The following SH2D4B variants were observed in gnomAD, a reference collection of about 807,000 sequenced individuals.
SH2D4B encodes SH2 domain-containing protein 4B.
SH2D4B carries 45 observed loss-of-function variants against 61.5 expected under a neutral mutation model. That is an observed-to-expected ratio of 0.73 (90% CI 0.58 to 0.94). The LOEUF (loss-of-function observed/expected upper bound fraction) is 0.94, where lower values mean the gene tolerates loss of function less well. Ranked by LOEUF, SH2D4B falls within the 40% of genes least tolerant of loss-of-function variation. The probability of loss-of-function intolerance (pLI) is 0.00; values close to 1 mark genes in which losing one functional copy is unlikely to be tolerated. For missense variants in SH2D4B, 572 were observed against 574.2 expected, an observed-to-expected ratio of 1.00 and a Z score of 0.04; for synonymous variants, 224 against 220.4, an observed-to-expected ratio of 1.02 and a Z score of -0.14.
chr10:80,555,774 G>A (rs956093664), intron 1 of SH2D4B, among the ~76,000 whole-genome samples: 3 of 152,174 alleles, frequency 2.0e-5, no homozygotes, highest in African/African-American at 7.2e-5. Flanking sequence ...TGGTACTATT[G>A]GTCACCCTAC....
At position 80,539,031 on chromosome 10, in the gene SH2D4B, C is replaced by T. The variant is rs936319332; in HGVS notation, c.184+516C>T. Among the ~76,000 whole-genome samples the T allele has an allele frequency of 1.3e-5, 2 of 152,216 alleles. No individual in the cohort carries two copies. The highest frequency in any genetic ancestry group is 2.9e-5 in the Non-Finnish European group (2 of 68,042). ...AGGATGCTGTGGGTTGTCTCTGGAG[C>T]CCCACTGGGCATCCGGAGAGAGGGC... On this transcript the variant is annotated intron_variant, in intron 1 of 7. Coordinates refer to ENST00000646907, the MANE Select transcript of SH2D4B (RefSeq NM_001388272.1). This position sits in a 1 kb window ranked among gnomAD's most constrained non-coding sequence, Gnocchi z 4.9.
Position 80,538,856 on chromosome 10 carries a change from C to G in SH2D4B, c.184+341C>G, listed in dbSNP as rs562222277. 6.6e-6 allele frequency among the ~76,000 whole-genome samples: 1 copy of G among 152,302 alleles called. No homozygotes were observed. Among genetic ancestry groups the G allele is most frequent in the South Asian group, 2.1e-4 (1 of 4,826 alleles). ...ACGTGGTTGGCAATGGTAGGGTGAA[C>G]GACGGCATATTTGTGACCCTTGCCA... On this transcript the variant is annotated intron_variant, in intron 1 of 7. Coordinates refer to ENST00000646907, the MANE Select transcript of SH2D4B (RefSeq NM_001388272.1). This position sits in a 1 kb window ranked among gnomAD's most constrained non-coding sequence, Gnocchi z 4.8.
intron 6 of SH2D4B, among the ~76,000 whole-genome samples, chr10:80,620,373 G>A (rs570692093): frequency 6.6e-6 from 1 of 152,230 alleles, no homozygotes; most frequent in Admixed American, 6.5e-5. Flanking sequence ...ATGATTATAA[G>A]TTTCTTGAGG....
chr10:80,603,309 A>T (rs1215969389), intron 4 of SH2D4B, among the ~76,000 whole-genome samples: 1 of 152,142 alleles, frequency 6.6e-6, no homozygotes, highest in African/African-American at 2.4e-5. Flanking sequence ...CTAAACCGTC[A>T]GGGTATCTTT....
rs142492046 is a variant in SH2D4B, at chr10:80,587,556, C to T, written c.496-1074C>T. 6.8e-4 allele frequency among the ~76,000 whole-genome samples: 103 copies of T among 151,360 alleles called. 1 individual carries two copies. The highest frequency in any genetic ancestry group is 2.0e-3 in the African/African-American group (84 of 41,326). ...GGCCTCCCAGAGTGCTGGGATTACACGCGTGAGCCACGACGCCCAGCTTTT... is the reference window on the plus strand; with the variant it reads ...GGCCTCCCAGAGTGCTGGGATTACATGCGTGAGCCACGACGCCCAGCTTTT... On this transcript the variant is annotated intron_variant, in intron 3 of 7. Transcript: ENST00000646907.
At chr10:80,552,373 C>T (rs949619626) in intron 1 of SH2D4B, among the ~76,000 whole-genome samples, 4 of 152,200 alleles carry the variant, frequency 2.6e-5, no homozygotes, top group African/African-American at 7.2e-5. Flanking sequence ...GGTGCCTCTC[C>T]TGCGCTACTT....
intron 4 of SH2D4B, among the ~76,000 whole-genome samples, chr10:80,589,852 C>T (rs1399403898): frequency 5.3e-5 from 8 of 152,046 alleles, no homozygotes; most frequent in Non-Finnish European, 5.9e-5. Context: ...ACACGGAATG[C>T]CTGGGAAGTG....
chr10:80,580,194 G>T (rs377366292), intron 3 of SH2D4B, among the ~76,000 whole-genome samples: 3 of 152,216 alleles, frequency 2.0e-5, no homozygotes, highest in Non-Finnish European at 4.4e-5. Context: ...CTCCTAAAGG[G>T]TTGCAGCCTG....
At chr10:80,540,117 T>C (rs1196511370) in intron 1 of SH2D4B, among the ~76,000 whole-genome samples, 12 of 152,248 alleles carry the variant, frequency 7.9e-5, no homozygotes. Context: ...ATGTATAAAT[T>C]ATACATTAAA....
intron 6 of SH2D4B, among the ~76,000 whole-genome samples, chr10:80,628,578 CT>C (rs1842791161): frequency 6.6e-6 from 1 of 152,192 alleles, no homozygotes; most frequent in Non-Finnish European, 1.5e-5. Flanking sequence ...ATAGATTCTC[CT>C]TGCAAGCATC....
chr10:80,566,072 CAG>C (rs1253461512), intron 1 of SH2D4B, among the ~76,000 whole-genome samples: 2 of 103,872 alleles, frequency 1.9e-5, no homozygotes, highest in African/African-American at 7.9e-5. Flanking sequence ...GCCTGGGTGA[CAG>C]AGCGAGACTC....
chr10:80,603,897 A>T, intron 5 of SH2D4B, 102 bp downstream of exon 5: 1 of 1,058,520 alleles, frequency 9.4e-7, no homozygotes, highest in Middle Eastern at 3.1e-4. Context: ...TTTGCTGTGT[A>T]GTTTGGGGCT....
At chr10:80,572,831 G>T (rs1186053641) in intron 3 of SH2D4B, among the ~76,000 whole-genome samples, 1 of 148,426 alleles carries the variant, frequency 6.7e-6, no homozygotes, top group Non-Finnish European at 1.5e-5. Context: ...GGTTGGTCAG[G>T]CTGGTCTCGA....
chr10:80,553,648 T>C (rs915823978), intron 1 of SH2D4B, among the ~76,000 whole-genome samples: 2 of 152,016 alleles, frequency 1.3e-5, no homozygotes, highest in African/African-American at 4.8e-5. Context: ...TGAGCTGGGG[T>C]AGAGGGGGCG....
chr10:80,629,491 A>G (rs928702323), intron 6 of SH2D4B, among the ~76,000 whole-genome samples: 5 of 152,224 alleles, frequency 3.3e-5, no homozygotes, highest in African/African-American at 9.6e-5. Context: ...ACAGTCTCCC[A>G]GAAATGGCCC....
intron 6 of SH2D4B, among the ~76,000 whole-genome samples, chr10:80,627,319 C>T (rs746928005): frequency 3.9e-5 from 6 of 152,206 alleles, no homozygotes; most frequent in South Asian, 2.1e-4. Context: ...AGTGGCTGTC[C>T]GCTGCCCTCA....
intron 4 of SH2D4B, among the ~76,000 whole-genome samples, chr10:80,593,441 G>A (rs893157874): frequency 6.6e-6 from 1 of 152,164 alleles, no homozygotes; most frequent in Non-Finnish European, 1.5e-5. Flanking sequence ...TCCTAATGGC[G>A]TATTCTTTCT....
chr10:80,567,003 T>A (rs1841978278), intron 1 of SH2D4B, among the ~76,000 whole-genome samples: 1 of 152,226 alleles, frequency 6.6e-6, no homozygotes. Flanking sequence ...ACCTGAAATT[T>A]CAGTAGATTA....
chr10:80,539,883 C>T lies in SH2D4B; in HGVS notation c.184+1368C>T, dbSNP rs1841555611. On this transcript the variant is annotated intron_variant, in intron 1 of 7. Transcript: ENST00000646907. This position sits in a 1 kb window ranked among gnomAD's most constrained non-coding sequence, Gnocchi z 4.9. Reference sequence around the variant, plus strand: ...TTGGGGCAGAGCTGTGACTTGGCTGCAGGTGGCTGCTGCCAAAGCTGGGGC... The same window carrying T: ...TTGGGGCAGAGCTGTGACTTGGCTGTAGGTGGCTGCTGCCAAAGCTGGGGC... Among the ~76,000 whole-genome samples, 1 of 152,168 alleles carries T rather than the reference C, an allele frequency of 6.6e-6. No homozygotes were observed. The highest frequency in any genetic ancestry group is 6.5e-5 in the Admixed American group (1 of 15,280).
Sources: gnomAD v4.1 joint callset for allele counts (sites outside exome capture counted in the v4.1 genomes callset) on GRCh38, gnomAD v4.1.1 for gene constraint, Gnocchi (gnomAD v3.1) non-coding constraint, MANE v1.5 for transcripts, NCBI Gene and HGNC (gene_info 2026-07-23, HGNC 2026-07-21) for gene names.